Variants in KRT7 observed in about 807,000 individuals in gnomAD.
The protein encoded by KRT7 is keratin 7.
Under a neutral mutation model 42.8 loss-of-function variants are expected in KRT7, and 50 were observed. The observed-to-expected ratio is 1.17, with a 90% CI of 0.93 to 1.48. The LOEUF is 1.48. KRT7 is among the 40% of genes most tolerant of loss of function. The probability of loss-of-function intolerance (pLI) is 0.00; values close to 1 mark genes in which losing one functional copy is unlikely to be tolerated. For missense variants in KRT7, 588 were observed against 637.6 expected, an observed-to-expected ratio of 0.92 and a Z score of 0.84; for synonymous variants, 268 against 266.3, an observed-to-expected ratio of 1.01 and a Z score of -0.06.
Position 52,241,541 on chromosome 12 carries a change from C to T in KRT7, c.763C>T (p.Leu255=). ...VVLSMDNSRS[L]DLDGIIAEVK... is the part of the protein sequence containing the mutation. ...GCTGTCCATGGACAACAGTCGCTCC[C>T]TGGACCTGGACGGCATCATCGCTGA... The change falls in exon 5 of 9, where the codon CTG becomes TTG. Residue 255 remains leucine, a synonymous_variant. Coordinates refer to ENST00000331817, the MANE Select transcript of KRT7 (RefSeq NM_005556.4). The T allele has an allele frequency of 6.2e-7, 1 of 1,614,004 alleles. No individual in the cohort carries two copies. The highest frequency in any genetic ancestry group is 2.2e-5 in the East Asian group (1 of 44,874).
intron 4 of KRT7, among the ~76,000 whole-genome samples, chr12:52,241,089 G>T (rs924066814): frequency 9.2e-5 from 14 of 152,172 alleles, no homozygotes; most frequent in African/African-American, 3.4e-4. Flanking sequence ...CATATCATCG[G>T]TGTACAGACT....
At chr12:52,253,583 G>A (rs1178841179), downstream of KRT7, 1 of 1,594,438 alleles carries the variant, frequency 6.3e-7, no homozygotes, top group Non-Finnish European at 8.6e-7. Flanking sequence ...TAGCAGGCAG[G>A]TGTCCTGTGC....
In KRT7 at chr12:52,233,532, A is replaced by G; in HGVS notation, c.236A>G (p.Asp79Gly). ...NQSLLAPLRL[D>G]ADPSLQRVRQ... ...AGCCTGCTGGCCCCGCTGCGGCTGG[A>G]CGCCGACCCCTCCCTCCAGCGGGTG... The change falls in exon 1 of 9, where the codon GAC (aspartate) becomes GGC (glycine). Residue 79 changes from aspartate to glycine, a missense_variant. Physicochemically the swap from Asp to Gly is moderately conservative, Grantham distance 94 (BLOSUM62 -1). Transcript: ENST00000331817. 1.2e-6 allele frequency: 2 copies of G among 1,613,046 alleles called. No homozygotes were observed. Among genetic ancestry groups the G allele is most frequent in the Non-Finnish European group, 8.5e-7 (1 of 1,179,802 alleles).
At chr12:52,252,337 C>T (rs1191150915), downstream of KRT7, 10 of 1,613,922 alleles carry the variant, frequency 6.2e-6, 1 homozygote, top group South Asian at 1.1e-4. Flanking sequence ...TTCATCACCT[C>T]CTGGTACTCC....
chr12:52,253,153 C>A, downstream of KRT7: 1 of 1,518,652 alleles, frequency 6.6e-7, no homozygotes, highest in Non-Finnish European at 9.1e-7. Context: ...ACCCAAATCC[C>A]TCTCCTGAGG....
chr12:52,233,263 C>T lies in KRT7; in HGVS notation c.-34C>T. 2 of 1,470,774 alleles carry T rather than the reference C, an allele frequency of 1.4e-6. No individual in the cohort carries two copies. The highest frequency in any genetic ancestry group is 1.8e-4 in the Middle Eastern group (1 of 5,578). The allele number at this position is 1,470,774 out of a possible 1,614,324, so 91.1% of individuals were successfully genotyped here. A position where few individuals can be genotyped will look rare whatever the true frequency, so the allele number is the denominator to read the frequency against. On this transcript the variant is annotated 5_prime_UTR_variant, in exon 1 of 9. Coordinates refer to ENST00000331817, the MANE Select transcript of KRT7 (RefSeq NM_005556.4). ...AGGTCAGCGAGTGCGCGCTCCTCCT[C>T]GCCCGCCGCTAGGTCCATCCCGGCC... is the stretch of plus-strand genomic sequence containing the variant.
chr12:52,253,140 C>T (rs1231845413), downstream of KRT7: 2 of 1,431,766 alleles, frequency 1.4e-6, no homozygotes, highest in African/African-American at 2.8e-5. Context: ...GGCAAGGGGT[C>T]TAACCCAAAT....
chr12:52,235,812 A>G (rs1264384753), intron 2 of KRT7, among the ~76,000 whole-genome samples: 1 of 152,208 alleles, frequency 6.6e-6, no homozygotes, highest in African/African-American at 2.4e-5. Flanking sequence ...TGCAAAGGTC[A>G]CTGGGAGAGC....
At chr12:52,236,703 A>G (rs1460287522) in intron 2 of KRT7, among the ~76,000 whole-genome samples, 4 of 152,144 alleles carry the variant, frequency 2.6e-5, no homozygotes, top group Admixed American at 6.5e-5. Context: ...GGTTGTCCCT[A>G]CTGCTTCCAG....
At chr12:52,238,868 A>T in intron 4 of KRT7, 93 bp downstream of exon 4, 1 of 799,688 alleles carries the variant, frequency 1.3e-6, no homozygotes, top group South Asian at 1.5e-5. Context: ...GTCAGTCCAG[A>T]TATGTGTCAG....
At chr12:52,237,407 A>G (rs1942025106) in intron 2 of KRT7, 102 bp from the exon 3 acceptor site, 1 of 790,266 alleles carries the variant, frequency 1.3e-6, no homozygotes, top group Non-Finnish European at 2.0e-6. Context: ...TTTAAAGAGT[A>G]GGGGAAGGGA....
downstream of KRT7, among the ~76,000 whole-genome samples, chr12:52,251,283 A>G (rs573897334): frequency 6.6e-6 from 1 of 152,308 alleles, no homozygotes; most frequent in East Asian, 1.9e-4. Flanking sequence ...CCCAGGCCCC[A>G]AGGGTGTCCA....
downstream of KRT7, chr12:52,253,706 G>C (rs769202128): frequency 1.5e-5 from 20 of 1,377,440 alleles, no homozygotes; most frequent in East Asian, 5.7e-4. Context: ...GGTCCCGACT[G>C]TTGTCCATCT....
Position 52,245,487 on chromosome 12 carries a change from C to T in KRT7, c.1060C>T (p.Gln354Ter), listed in dbSNP as rs776984945. 1 of 1,613,926 alleles carries T rather than the reference C, an allele frequency of 6.2e-7. No individual in the cohort carries two copies. Among genetic ancestry groups the T allele is most frequent in the Non-Finnish European group, 8.5e-7 (1 of 1,179,858 alleles). The change falls in exon 7 of 9, where the codon CAG becomes TAG. Residue 354 changes from glutamine (Q) to a stop codon, truncating the protein, a stop_gained. Transcript: ENST00000331817. LOFTEE classifies it high-confidence loss of function. ...GGCGCTCAAGGATGCTCGTGCCAAG[C>T]AGGAGGAGCTGGAAGCCGCCCTGCA... is the stretch of plus-strand genomic sequence containing the variant. ...ELALKDARAK[Q>*]EELEAALQRG...
intron 7 of KRT7, chr12:52,247,067 G>C (rs1264188405): frequency 6.6e-6 from 1 of 152,170 alleles, no homozygotes; most frequent in Non-Finnish European, 1.5e-5. Flanking sequence ...GGATATGGAG[G>C]TAGATACCTT....
At chr12:52,249,927 T>C (rs1487356257), downstream of KRT7, among the ~76,000 whole-genome samples, 1 of 151,980 alleles carries the variant, frequency 6.6e-6, no homozygotes, top group African/African-American at 2.4e-5. Flanking sequence ...CCACCCAAGG[T>C]GTCAGGAGAT....
In KRT7 at chr12:52,233,384, C is replaced by A. The variant is rs1311610533; in HGVS notation, c.88C>A (p.Arg30Ser). The A allele has an allele frequency of 6.4e-7, 1 of 1,567,714 alleles. No individual in the cohort carries two copies. Among genetic ancestry groups the A allele is most frequent in the Non-Finnish European group, 8.6e-7 (1 of 1,163,230 alleles). The change falls in exon 1 of 9, where the codon CGC (arginine) becomes AGC (serine). Residue 30 changes from arginine to serine, a missense_variant. Coordinates refer to ENST00000331817, the MANE Select transcript of KRT7 (RefSeq NM_005556.4). ...CGCCCAGGTGCGCCTGAGCTCCGCT[C>A]GCCCCGGCGGCCTTGGCAGCAGCAG... ...RGAQVRLSSA[R>S]PGGLGSSSLY...
At chr12:52,250,654 G>T, downstream of KRT7, 1 of 698,224 alleles carries the variant, frequency 1.4e-6, no homozygotes, top group Non-Finnish European at 2.5e-6. Context: ...GCCAGAGGGG[G>T]AGGACAGGGC....
chr12:52,254,012 C>T (rs1942305848), downstream of KRT7, among the ~76,000 whole-genome samples: 1 of 152,108 alleles, frequency 6.6e-6, no homozygotes, highest in Admixed American at 6.5e-5. Context: ...TTAATCAGGA[C>T]CTTCCAGCTT....
Sources: gnomAD v4.1 joint callset for allele counts (sites outside exome capture counted in the v4.1 genomes callset) on GRCh38, gnomAD v4.1.1 for gene constraint, MANE v1.5 for transcripts, NCBI Gene and HGNC (gene_info 2026-07-23, HGNC 2026-07-21) for gene names.